The following MANF variants were observed in gnomAD, a reference collection of about 807,000 sequenced individuals.
MANF encodes the protein mesencephalic astrocyte-derived neurotrophic factor.
MANF carries 9 observed loss-of-function variants against 19.1 expected under a neutral mutation model. The observed-to-expected ratio is 0.47, with a 90% CI of 0.28 to 0.82. MANF has a LOEUF of 0.82. Ranked by LOEUF, MANF falls within the 40% of genes least tolerant of loss-of-function variation. MANF has a pLI of 0.10. For missense variants in MANF, 225 were observed against 226.7 expected, an observed-to-expected ratio of 0.99 and a Z score of 0.05; for synonymous variants, 89 against 88.0, an observed-to-expected ratio of 1.01 and a Z score of -0.06.
intron 1 of MANF, 88 bp downstream of exon 1, chr3:51,385,524 AGAGGGC>A (rs1200926019): frequency 8.6e-5 from 11 of 127,758 alleles, no homozygotes; most frequent in African/African-American, 2.2e-4. Context: ...GCCGGGGCCA[AGAGGGC>A]GAGGGCGGGG....
chr3:51,388,917 A>T lies in MANF; in HGVS notation c.377A>T (p.Asp126Val). The T allele has an allele frequency of 6.3e-7, 1 of 1,575,100 alleles. No homozygotes were observed. The highest frequency in any genetic ancestry group is 8.6e-7 in the Non-Finnish European group (1 of 1,160,490). The change falls in exon 4 of 4, where the codon GAC becomes GTC. Residue 126 changes from aspartate to valine, a missense_variant. Physicochemically the swap from Asp to Val is radical, Grantham distance 152. Transcript: ENST00000528157. Reference sequence around the variant, plus strand: ...CTCTCTCCTCCAGACAAGCAGATCGACCTGAGCACAGTGGACCTGAAGAAG... The same window carrying T: ...CTCTCTCCTCCAGACAAGCAGATCGTCCTGAGCACAGTGGACCTGAAGAAG... ...ICELKYDKQI[D>V]LSTVDLKKLR... is the part of the protein sequence containing the mutation.
chr3:51,386,962 G>C (rs1553620982), intron 2 of MANF: 1 of 456,640 alleles, frequency 2.2e-6, no homozygotes, highest in Non-Finnish European at 4.4e-6. Context: ...CTTGGACTGA[G>C]CATGTGTTAA....
At position 51,385,302 on chromosome 3, in the gene MANF, G is replaced by T. The variant is rs2088927680; in HGVS notation, c.-41G>T. The T allele has an allele frequency of 3.4e-6, 4 of 1,191,140 alleles. No homozygotes were observed. In the South Asian group the frequency reaches 1.6e-4, roughly 49 times the overall value. The allele number at this position is 1,191,140 out of a possible 1,614,324, so 73.8% of individuals were successfully genotyped here. A position where few individuals can be genotyped will look rare whatever the true frequency, so the allele number is the denominator to read the frequency against. On this transcript the variant is annotated 5_prime_UTR_variant, in exon 1 of 4. Coordinates refer to ENST00000528157, the MANE Select transcript of MANF (RefSeq NM_006010.6). ...GGCGGGTGCGGTTCAGTCGGTCGGC[G>T]GCGGCAGCGGAGGAGGAGGAGGAGG...
rs912197689 is a variant in MANF at position 51,389,147 on chromosome 3, A to G, written c.*58A>G. ...AAAACAGTTCAACTGCTTACTCCCA[A>G]AACAGCCTTTTTGTAATTTATTTTT... On this transcript the variant is annotated 3_prime_UTR_variant, in exon 4 of 4. Coordinates refer to ENST00000528157, the MANE Select transcript of MANF (RefSeq NM_006010.6). The G allele has an allele frequency of 1.3e-6, 2 of 1,481,658 alleles. No individual in the cohort carries two copies. The highest frequency in any genetic ancestry group is 1.4e-5 in the African/African-American group (1 of 70,650). 91.8% of individuals were successfully genotyped at this position (1,481,658 alleles called of 1,614,324 possible).
chr3:51,389,284 C>A lies in MANF; in HGVS notation c.*195C>A. ...TTCCCTTCCTTCTGTTGCTGGTGTA[C>A]TCTAGGACTTCAAAGTGTGTCTGGG... is the stretch of plus-strand genomic sequence containing the variant. On this transcript the variant is annotated 3_prime_UTR_variant, in exon 4 of 4. Transcript: ENST00000528157. 1 of 513,184 alleles carries A rather than the reference C, an allele frequency of 1.9e-6. No homozygotes were observed. The highest frequency in any genetic ancestry group is 3.1e-5 in the South Asian group (1 of 32,030). 31.8% of individuals were successfully genotyped at this position (513,184 alleles called of 1,614,324 possible).
At chr3:51,387,328 C>T (rs781832668) in intron 2 of MANF, among the ~76,000 whole-genome samples, 4 of 152,204 alleles carry the variant, frequency 2.6e-5, no homozygotes, top group South Asian at 2.1e-4. Context: ...TGGTGACAGG[C>T]GCCTGTAATC....
At chr3:51,387,016 C>G (rs1426069518) in intron 2 of MANF, 1 of 444,646 alleles carries the variant, frequency 2.2e-6, no homozygotes, top group Admixed American at 2.4e-5. Context: ...CCAGTACAGG[C>G]AGGGCACCGA....
In MANF at chr3:51,389,263, C is replaced by T; in HGVS notation, c.*174C>T. The stretch of plus-strand genomic sequence containing the variant: ...TACAGTACCCCCATGAGGGGATTCC[C>T]TTCCTTCTGTTGCTGGTGTACTCTA... On this transcript the variant is annotated 3_prime_UTR_variant, in exon 4 of 4. Transcript: ENST00000528157. 1 of 569,996 alleles carries T rather than the reference C, an allele frequency of 1.8e-6. No homozygotes were observed. Among genetic ancestry groups the T allele is most frequent in the Non-Finnish European group, 3.0e-6 (1 of 334,462 alleles). The allele number at this position is 569,996 out of a possible 1,614,324, so 35.3% of individuals were successfully genotyped here.
At chr3:51,387,034 C>T (rs112687223) in intron 2 of MANF, 5,698 of 436,758 alleles carry the variant, frequency 0.013, 71 homozygotes, top group Non-Finnish European at 0.018. Flanking sequence ...CGAAAAATGC[C>T]GCTGTGGGCC....
At chr3:51,386,170 G>C in intron 1 of MANF, 38 bp from the exon 2 acceptor site, 1 of 1,609,578 alleles carries the variant, frequency 6.2e-7, no homozygotes, top group South Asian at 1.1e-5. Context: ...GGAACAGCTT[G>C]GTGATTGCTG....
chr3:51,388,228 G>T (rs2088982256), intron 3 of MANF, among the ~76,000 whole-genome samples: 1 of 152,202 alleles, frequency 6.6e-6, no homozygotes, highest in Admixed American at 6.5e-5. Context: ...GAGTTTTTCA[G>T]CAGAGAAGGG....
chr3:51,387,591 C>G, intron 2 of MANF, 146 bp from the exon 3 acceptor site: 2 of 691,182 alleles, frequency 2.9e-6, no homozygotes, highest in Non-Finnish European at 4.9e-6. Context: ...GTGATCATGC[C>G]ACTGCATTCC....
Position 51,388,927 on chromosome 3 carries a change from A to T in MANF, c.387A>T (p.Thr129=). The T allele has an allele frequency of 6.3e-7, 1 of 1,583,050 alleles. No individual in the cohort carries two copies. Among genetic ancestry groups the T allele is most frequent in the Non-Finnish European group, 8.6e-7 (1 of 1,164,280 alleles). The change falls in exon 4 of 4, where the codon ACA becomes ACT. Residue 129 remains threonine, a synonymous_variant. Transcript: ENST00000528157. ...CAGACAAGCAGATCGACCTGAGCAC[A>T]GTGGACCTGAAGAAGCTCCGAGTTA... ...LKYDKQIDLS[T]VDLKKLRVKE... is the part of the protein sequence containing the mutation.
At chr3:51,388,701 T>C (rs145091210) in intron 3 of MANF, among the ~76,000 whole-genome samples, 4 of 152,224 alleles carry the variant, frequency 2.6e-5, no homozygotes, top group East Asian at 3.8e-4. Context: ...AGACATAATA[T>C]GTAGCCAGCC....
chr3:51,385,756 G>A, intron 1 of MANF: 1 of 292,284 alleles, frequency 3.4e-6, no homozygotes. Flanking sequence ...GGCGTCGGGA[G>A]CTCCAGGGCT....
intron 2 of MANF, chr3:51,387,168 T>G (rs1215516595): frequency 9.3e-6 from 3 of 322,100 alleles, no homozygotes; most frequent in Non-Finnish European, 1.9e-5. Context: ...ACAAAAAAAT[T>G]TTTAGGCTAG....
chr3:51,387,999 T>A, intron 3 of MANF, 121 bp downstream of exon 3: 2 of 988,740 alleles, frequency 2.0e-6, no homozygotes, highest in Non-Finnish European at 1.5e-6. Flanking sequence ...CAGATGGTGC[T>A]AAATGCTGGA....
intron 2 of MANF, 46 bp from the exon 3 acceptor site, chr3:51,387,691 T>C: frequency 1.3e-6 from 2 of 1,584,202 alleles, no homozygotes; most frequent in African/African-American, 1.3e-5. Context: ...TTGGAGGAGA[T>C]GGCTCTCAAG....
intron 3 of MANF, among the ~76,000 whole-genome samples, chr3:51,388,145 C>T (rs140694537): frequency 3.9e-5 from 6 of 152,234 alleles, no homozygotes; most frequent in South Asian, 2.1e-4. Context: ...TAAAGGTGTC[C>T]AGTGGCATGG....
Sources: gnomAD v4.1 joint callset for allele counts (sites outside exome capture counted in the v4.1 genomes callset) on GRCh38, gnomAD v4.1.1 for gene constraint, MANE v1.5 for transcripts, NCBI Gene and HGNC (gene_info 2026-07-23, HGNC 2026-07-21) for gene names.